CACNA2D3: variants seen among roughly 807,000 people sequenced by gnomAD.
CACNA2D3 encodes voltage-dependent calcium channel subunit alpha-2/delta-3.
A neutral mutation model predicts 160.6 loss-of-function variants in CACNA2D3; 60 were observed. The ratio of observed to expected loss-of-function variants is 0.37; its 90% CI spans 0.30 to 0.46. CACNA2D3 has a LOEUF of 0.46. Among genes scored for constraint, CACNA2D3 ranks in the 20% least tolerant of loss-of-function variants. CACNA2D3 has a pLI of 1.00. For synonymous variants in CACNA2D3, 558 were observed against 492.9 expected, an observed-to-expected ratio of 1.13 and a Z score of -1.75; for missense variants, 1,205 against 1,365.0, an observed-to-expected ratio of 0.88 and a Z score of 1.85.
chr3:54,267,228 A>G (rs1022849568), intron 2 of CACNA2D3, among the ~76,000 whole-genome samples: 6 of 152,190 alleles, frequency 3.9e-5, no homozygotes, highest in Non-Finnish European at 5.9e-5. Context: ...ACCTTTTACA[A>G]TTGACAGATT....
rs570019034 is a variant in CACNA2D3, at chr3:54,146,650, A to G, written c.204+23056A>G. Among the ~76,000 whole-genome samples the G allele has an allele frequency of 1.7e-3, 256 of 152,326 alleles. 1 individual carries two copies. Among genetic ancestry groups the G allele is most frequent in the African/African-American group, 5.8e-3 (242 of 41,566 alleles). ...GAGTGAGCTCCACAGAGTTCTCCAC[A>G]CATCCAGCAGGGCCCATGGAAGCTA... On this transcript the variant is annotated intron_variant, in intron 2 of 37. Coordinates refer to ENST00000474759, the MANE Select transcript of CACNA2D3 (RefSeq NM_018398.3).
At chr3:54,927,849 G>A in intron 27 of CACNA2D3, 3 of 1,587,774 alleles carry the variant, frequency 1.9e-6, no homozygotes, top group Non-Finnish European at 2.6e-6. Context: ...TTTGTGAGGG[G>A]ATACCATCTT....
chr3:54,315,872 C>T (rs532873926), intron 2 of CACNA2D3, among the ~76,000 whole-genome samples: 1 of 152,212 alleles, frequency 6.6e-6, no homozygotes, highest in South Asian at 2.1e-4. Context: ...GACCACATTC[C>T]CTTAAAGGAA....
At chr3:54,758,173 A>G (rs1324655721) in intron 12 of CACNA2D3, among the ~76,000 whole-genome samples, 1 of 152,234 alleles carries the variant, frequency 6.6e-6, no homozygotes, top group African/African-American at 2.4e-5. Flanking sequence ...AGACGAGACC[A>G]GGAGAAACCA....
chr3:54,796,493 C>A (rs529883264), intron 13 of CACNA2D3, among the ~76,000 whole-genome samples: 38 of 152,286 alleles, frequency 2.5e-4, no homozygotes, highest in African/African-American at 8.7e-4. Context: ...GTAGTTCTTT[C>A]TCTGGCCCAG....
chr3:54,598,287 AACAG>A (rs1289517523), intron 9 of CACNA2D3, among the ~76,000 whole-genome samples: 1 of 136,622 alleles, frequency 7.3e-6, no homozygotes, highest in Non-Finnish European at 1.6e-5. Context: ...CAGCCTGGGC[AACAG>A]CGAGACTCCG....
chr3:54,853,905 C>T (rs915490706), intron 17 of CACNA2D3, among the ~76,000 whole-genome samples: 2 of 152,106 alleles, frequency 1.3e-5, no homozygotes, highest in Admixed American at 6.5e-5. Flanking sequence ...GCATTGTTCA[C>T]GGAACTTTCG....
chr3:54,468,548 C>T (rs1307696807), intron 4 of CACNA2D3, among the ~76,000 whole-genome samples: 3 of 152,126 alleles, frequency 2.0e-5, no homozygotes, highest in Non-Finnish European at 4.4e-5. Context: ...TTTCATGTCC[C>T]CGTGGCGCCT....
At chr3:54,723,261 T>C (rs372266712) in intron 11 of CACNA2D3, among the ~76,000 whole-genome samples, 5 of 152,122 alleles carry the variant, frequency 3.3e-5, no homozygotes, top group African/African-American at 9.7e-5. Context: ...GAGCATCCCA[T>C]TTGGATCTCA....
chr3:54,276,647 G>A (rs1399603420), intron 2 of CACNA2D3, among the ~76,000 whole-genome samples: 1 of 152,034 alleles, frequency 6.6e-6, no homozygotes, highest in African/African-American at 2.4e-5. Context: ...TACAAGAGAA[G>A]TTTGGTATTT....
chr3:54,576,921 G>A (rs556627194), intron 8 of CACNA2D3, among the ~76,000 whole-genome samples: 49 of 152,060 alleles, frequency 3.2e-4, no homozygotes, highest in African/African-American at 1.1e-3. Context: ...CCTGTGGTCC[G>A]AACTATTTGG....
chr3:54,129,319 A>T lies in CACNA2D3; in HGVS notation c.204+5725A>T, dbSNP rs9844994. On this transcript the variant is annotated intron_variant, in intron 2 of 37. Transcript: ENST00000474759. Reference sequence around the variant, plus strand: ...TTCAGAAGGGAATTATTTTTTACAAATACATACTTGAAAATAGTCCAGTTC... The same window carrying T: ...TTCAGAAGGGAATTATTTTTTACAATTACATACTTGAAAATAGTCCAGTTC... 3.6e-3 allele frequency among the ~76,000 whole-genome samples: 543 copies of T among 152,364 alleles called. 4 individuals carry two copies. The highest frequency in any genetic ancestry group is 0.02 in the Middle Eastern group (6 of 294).
chr3:54,493,060 C>CTTTTTTTTTTTTTTTTTTTTTTTTTTTTT (rs34225864), intron 4 of CACNA2D3, among the ~76,000 whole-genome samples: 2 of 58,770 alleles, frequency 3.4e-5, no homozygotes, highest in African/African-American at 1.5e-4. Flanking sequence ...TTGCTCAAAA[C>CTTTTTTTTTTTTTTTTTTTTTTTTTTTTT]TTTTTTTTTT....
In CACNA2D3 at chr3:54,614,514, T is replaced by C. The variant is rs975969196; in HGVS notation, c.964-13273T>C. Among the ~76,000 whole-genome samples the C allele has an allele frequency of 8.5e-5, 13 of 152,238 alleles. 1 individual carries two copies. Among genetic ancestry groups the C allele is most frequent in the African/African-American group, 2.4e-4 (10 of 41,466 alleles). On this transcript the variant is annotated intron_variant, in intron 9 of 37. Transcript: ENST00000474759. The stretch of plus-strand genomic sequence containing the variant: ...TGTTTGCATCACATTTTGTGCAAGC[T>C]TCTCAGATGGCCATGTTACACTTTT...
chr3:54,226,718 G>C (rs970405322), intron 2 of CACNA2D3, among the ~76,000 whole-genome samples: 4 of 152,106 alleles, frequency 2.6e-5, no homozygotes, highest in Non-Finnish European at 5.9e-5. Flanking sequence ...CGAAAGCTCT[G>C]TTCAGCTTCT....
intron 5 of CACNA2D3, among the ~76,000 whole-genome samples, chr3:54,543,034 C>T (rs1460739821): frequency 6.6e-6 from 1 of 152,190 alleles, no homozygotes; most frequent in Non-Finnish European, 1.5e-5. Flanking sequence ...CAGGCTTCAC[C>T]TCTCAGTTCC....
chr3:54,653,733 A>T (rs576615833), intron 11 of CACNA2D3, among the ~76,000 whole-genome samples: 218 of 152,340 alleles, frequency 1.4e-3, no homozygotes, highest in African/African-American at 5.0e-3. Context: ...ACTTCATGTC[A>T]GGGGCCCACG....
At chr3:54,224,987 G>A (rs963144490) in intron 2 of CACNA2D3, among the ~76,000 whole-genome samples, 12 of 144,714 alleles carry the variant, frequency 8.3e-5, no homozygotes, top group African/African-American at 3.1e-4. Flanking sequence ...AAGTTCTAGG[G>A]TACATGCGCA....
At chr3:54,714,341 T>C (rs13095178) in intron 11 of CACNA2D3, among the ~76,000 whole-genome samples, 72,067 of 151,978 alleles carry the variant, frequency 0.47, 17,525 homozygotes, top group Non-Finnish European at 0.51. Context: ...ATGGAGCACG[T>C]TGTACCTCTG....
Sources: gnomAD v4.1 joint callset for allele counts (sites outside exome capture counted in the v4.1 genomes callset) on GRCh38, gnomAD v4.1.1 for gene constraint, MANE v1.5 for transcripts, NCBI Gene and HGNC (gene_info 2026-07-23, HGNC 2026-07-21) for gene names.